Variants in GNAL observed in about 807,000 individuals in gnomAD.
The protein encoded by GNAL is guanine nucleotide-binding protein G(olf) subunit alpha.
GNAL carries 18 observed loss-of-function variants against 55.1 expected under a neutral mutation model. That is an observed-to-expected ratio of 0.33 (90% confidence interval 0.23 to 0.48). The LOEUF (loss-of-function observed/expected upper bound fraction) is 0.48, where lower values mean the gene tolerates loss of function less well. Ranked by LOEUF, GNAL falls within the 20% of genes least tolerant of loss-of-function variation. The pLI is 0.99. For synonymous variants in GNAL, 253 were observed against 237.0 expected, an observed-to-expected ratio of 1.07 and a Z score of -0.62; for missense variants, 412 against 614.1, an observed-to-expected ratio of 0.67 and a Z score of 3.48.
At chr18:11,803,950 A>G in intron 4 of GNAL, among the ~76,000 whole-genome samples, 1 of 150,210 alleles carries the variant, frequency 6.7e-6, no homozygotes. Flanking sequence ...GTGGTGAAGT[A>G]CAGGTGCAGT....
At chr18:11,708,886 T>C (rs764973045) in intron 1 of GNAL, among the ~76,000 whole-genome samples, 2 of 152,238 alleles carry the variant, frequency 1.3e-5, no homozygotes, top group Non-Finnish European at 2.9e-5. Context: ...GACCAATTAA[T>C]GTCAGGAAAC....
At chr18:11,730,160 CTTT>C (rs1240028582) in intron 1 of GNAL, among the ~76,000 whole-genome samples, 7 of 138,746 alleles carry the variant, frequency 5.0e-5, no homozygotes, top group Admixed American at 7.2e-5. Context: ...CAGCCTCCCA[CTTT>C]TTTTTTTTTT....
intron 1 of GNAL, among the ~76,000 whole-genome samples, chr18:11,717,623 C>T (rs1014361216): frequency 3.9e-5 from 6 of 152,074 alleles, no homozygotes; most frequent in Admixed American, 1.3e-4. Context: ...AAAAAAAGAA[C>T]GAGGTCATGT....
intron 5 of GNAL, among the ~76,000 whole-genome samples, chr18:11,840,875 C>CTTT (rs112505457): frequency 2.9e-5 from 4 of 137,024 alleles, no homozygotes; most frequent in Admixed American, 7.3e-5. Context: ...TTTTTCTTTT[C>CTTT]TTTTTTTTTT....
At chr18:11,852,464 G>T (rs1000531446) in intron 5 of GNAL, 1 of 249,148 alleles carries the variant, frequency 4.0e-6, no homozygotes, top group Admixed American at 5.1e-5. Flanking sequence ...TTATTATTTA[G>T]TGTGATTGAT....
At position 11,871,822 on chromosome 18, in the gene GNAL, T is replaced by A. The variant is rs1201424339; in HGVS notation, c.1032-446T>A. On this transcript the variant is annotated intron_variant, in intron 9 of 11. Coordinates refer to ENST00000334049, the MANE Select transcript of GNAL (RefSeq NM_182978.4). ...GGTTCCAATAAATCTATATCCCCCA[T>A]GGGACTGAATTAGAAAGTGCTTAAC... Among the ~76,000 whole-genome samples, 6 of 152,348 alleles carry A rather than the reference T, an allele frequency of 3.9e-5. No individual in the cohort carries two copies. The East Asian group carries it at 9.6e-4, about 24-fold the overall frequency.
intron 10 of GNAL, 141 bp from the exon 11 acceptor site, chr18:11,876,480 T>G (rs2036535542): frequency 3.1e-6 from 2 of 639,962 alleles, no homozygotes; most frequent in Non-Finnish European, 5.7e-6. Context: ...AAAAAGTACA[T>G]GTTTGTTTTT....
rs1308388818 is a variant in GNAL, at chr18:11,883,706, A to ATAT, written c.*2573_*2575dup. 1 of 151,238 alleles carries ATAT rather than the reference A, an allele frequency of 6.6e-6. No individual in the cohort carries two copies. Among genetic ancestry groups the ATAT allele is most frequent in the Non-Finnish European group, 1.5e-5 (1 of 67,798 alleles). 9.4% of individuals were successfully genotyped at this position (151,238 alleles called of 1,614,324 possible). On this transcript the variant is annotated 3_prime_UTR_variant, in exon 12 of 12. Transcript: ENST00000334049. ...CATCTGTACTTTTTTTTTTTTAAAT[A>ATAT]TATTTTTTGAGACGGAGTCTCACTC...
intron 4 of GNAL, among the ~76,000 whole-genome samples, chr18:11,778,366 C>CTATTTTAGT (rs1363439205): frequency 6.6e-5 from 10 of 152,168 alleles, no homozygotes. Context: ...TTTACTCCTG[C>CTATTTTAGT]TATTTTTAGT....
intron 4 of GNAL, among the ~76,000 whole-genome samples, chr18:11,763,208 A>G (rs1298288436): frequency 6.6e-6 from 1 of 152,218 alleles, no homozygotes; most frequent in Non-Finnish European, 1.5e-5. Context: ...ATTCATCGAT[A>G]GCTAATGTGT....
intron 9 of GNAL, 66 bp from the exon 10 acceptor site, chr18:11,872,202 C>T: frequency 1.9e-6 from 2 of 1,055,842 alleles, no homozygotes; most frequent in Non-Finnish European, 2.8e-6. Context: ...TTAGCAACTT[C>T]TATGTTAGAG....
chr18:11,839,561 A>AAAAAAAG (rs2035568777), intron 5 of GNAL, among the ~76,000 whole-genome samples: 1 of 151,526 alleles, frequency 6.6e-6, no homozygotes, highest in African/African-American at 2.4e-5. Flanking sequence ...TCAAAAAAAA[A>AAAAAAAG]AAAAAAAATT....
Position 11,752,517 on chromosome 18 carries a change from C to A in GNAL, c.377-336C>A. The A allele has an allele frequency of 6.2e-7, 1 of 1,613,232 alleles. No individual in the cohort carries two copies. Among genetic ancestry groups the A allele is most frequent in the Non-Finnish European group, 8.5e-7 (1 of 1,179,616 alleles). On this transcript the variant is annotated intron_variant, in intron 1 of 11. Transcript: ENST00000334049. This position sits in a 1 kb window ranked among gnomAD's most constrained non-coding sequence, Gnocchi z 4.5. ...AACGACGCGAGGCCAACAAAAAGAT[C>A]GAGAAGCAGTTGCAGAAAGAGCGCC...
At chr18:11,735,742 G>A (rs1366103902) in intron 1 of GNAL, among the ~76,000 whole-genome samples, 1 of 147,228 alleles carries the variant, frequency 6.8e-6, no homozygotes, top group African/African-American at 2.5e-5. Flanking sequence ...GCCACAGAGT[G>A]AGAACCTGTC....
chr18:11,790,835 A>G (rs2034215166), intron 4 of GNAL, among the ~76,000 whole-genome samples: 1 of 151,024 alleles, frequency 6.6e-6, no homozygotes, highest in African/African-American at 2.4e-5. Context: ...TTTTTTGTAT[A>G]TTTAGTAGAG....
At chr18:11,849,691 CT>C (rs977124595) in intron 5 of GNAL, among the ~76,000 whole-genome samples, 1 of 151,924 alleles carries the variant, frequency 6.6e-6, no homozygotes, top group African/African-American at 2.4e-5. Flanking sequence ...ATTTCTTCCC[CT>C]TTTTTTTGGT....
intron 4 of GNAL, among the ~76,000 whole-genome samples, chr18:11,761,588 TC>T (rs1481232640): frequency 6.6e-6 from 1 of 152,242 alleles, no homozygotes; most frequent in Non-Finnish European, 1.5e-5. Context: ...TGGCCTAGTC[TC>T]AGGTTCTTTG....
chr18:11,826,283 AGCGGGGAGGG>A (rs2035242692), intron 5 of GNAL, among the ~76,000 whole-genome samples: 1 of 18,392 alleles, frequency 5.4e-5, no homozygotes, highest in Non-Finnish European at 2.0e-4. Flanking sequence ...GAGGAGGAGG[AGCGGGGAGGG>A]GGAAGGAAGA....
chr18:11,880,083 C>T (rs1042078711), intron 11 of GNAL, among the ~76,000 whole-genome samples: 1 of 151,126 alleles, frequency 6.6e-6, no homozygotes, highest in African/African-American at 2.4e-5. Flanking sequence ...ATGGTGAAAC[C>T]CCGTCTCTAC....
Sources: gnomAD v4.1 joint callset for allele counts (sites outside exome capture counted in the v4.1 genomes callset) on GRCh38, gnomAD v4.1.1 for gene constraint, Gnocchi (gnomAD v3.1) non-coding constraint, MANE v1.5 for transcripts, NCBI Gene and HGNC (gene_info 2026-07-23, HGNC 2026-07-21) for gene names.